FGF14: variants seen among roughly 807,000 people sequenced by gnomAD.
FGF14 encodes fibroblast growth factor 14, also known as fibroblast growth factor homologous factor 4.
Under a neutral mutation model 25.5 loss-of-function variants are expected in FGF14, and 5 were observed. The observed-to-expected ratio is 0.20, with a 90% CI of 0.10 to 0.41. The LOEUF is 0.41. Among genes scored for constraint, FGF14 ranks in the 10% least tolerant of loss-of-function variants. The pLI, the probability that FGF14 is intolerant of heterozygous loss-of-function variation, is 1.00. For synonymous variants in FGF14, 138 were observed against 118.3 expected (o/e 1.17, Z -1.08); for missense variants, 222 against 320.1 (o/e 0.69, Z 2.34).
intron 1 of FGF14, among the ~76,000 whole-genome samples, chr13:102,302,439 C>T (rs1459898771): frequency 6.6e-6 from 1 of 152,072 alleles, no homozygotes; most frequent in East Asian, 1.9e-4. Context: ...CAGCTCCAAA[C>T]CAGGCCTTGT....
intron 3 of FGF14, among the ~76,000 whole-genome samples, chr13:101,850,514 AGAAT>A (rs377745463): frequency 0.015 from 34 of 2,292 alleles, 9 homozygotes; most frequent in African/African-American, 0.029. Flanking sequence ...ATATATATAT[AGAAT>A]TATATATTCT....
intron 3 of FGF14, among the ~76,000 whole-genome samples, chr13:101,809,380 G>A (rs186593405): frequency 1.1e-3 from 170 of 152,224 alleles, no homozygotes; most frequent in Non-Finnish European, 1.8e-3. Flanking sequence ...ATCTGTAGAT[G>A]CTATCACACT....
intron 4 of FGF14, 65 bp downstream of exon 4, chr13:101,726,547 C>T (rs1460476171): frequency 2.1e-6 from 3 of 1,456,944 alleles, no homozygotes; most frequent in Non-Finnish European, 2.9e-6. Flanking sequence ...CATGGTAGAC[C>T]TATCAATTTG....
chr13:101,952,533 T>G (rs2036237080), intron 1 of FGF14, among the ~76,000 whole-genome samples: 1 of 152,106 alleles, frequency 6.6e-6, no homozygotes, highest in African/African-American at 2.4e-5. Flanking sequence ...AACGACACAA[T>G]TGGCAAAAAT....
chr13:101,725,415 G>T (rs2035349635), intron 4 of FGF14, among the ~76,000 whole-genome samples: 1 of 151,936 alleles, frequency 6.6e-6, no homozygotes, highest in African/African-American at 2.4e-5. Flanking sequence ...GGCCCTGGTA[G>T]CTAACTGTTT....
chr13:101,773,584 G>A (rs1435498872), intron 3 of FGF14, among the ~76,000 whole-genome samples: 1 of 152,004 alleles, frequency 6.6e-6, no homozygotes, highest in Non-Finnish European at 1.5e-5. Flanking sequence ...ATAGAAATCA[G>A]TGTAGAGTTC....
chr13:102,273,642 A>G (rs2053361241), intron 1 of FGF14, among the ~76,000 whole-genome samples: 1 of 152,186 alleles, frequency 6.6e-6, no homozygotes, highest in South Asian at 2.1e-4. Flanking sequence ...GATTTTTATT[A>G]TTTTTTAACT....
intron 1 of FGF14, among the ~76,000 whole-genome samples, chr13:102,344,889 C>G (rs1291551705): frequency 5.3e-5 from 8 of 152,220 alleles, no homozygotes; most frequent in African/African-American, 1.9e-4. Context: ...CAGGGAACAA[C>G]TACTGGTAGC....
chr13:102,161,664 G>GTACCCC (rs761957246), intron 1 of FGF14, among the ~76,000 whole-genome samples: 1,108 of 32,470 alleles, frequency 0.034, 65 homozygotes, highest in East Asian at 0.12. Context: ...AGAAGAAGAA[G>GTACCCC]AAGAAGAAGA....
chr13:102,328,798 T>C (rs1253470225), intron 1 of FGF14, among the ~76,000 whole-genome samples: 1 of 152,208 alleles, frequency 6.6e-6, no homozygotes, highest in African/African-American at 2.4e-5. Context: ...ACTGCTCATA[T>C]TCCAGGAGTT....
intron 1 of FGF14, among the ~76,000 whole-genome samples, chr13:102,166,843 C>T (rs1181879494): frequency 6.6e-6 from 1 of 152,130 alleles, no homozygotes; most frequent in Non-Finnish European, 1.5e-5. Flanking sequence ...TCACAAGAAC[C>T]TAGCCGTGTA....
Position 101,748,447 on chromosome 13 carries a change from A to G in FGF14, c.409-21637T>C, listed in dbSNP as rs145235406. On this transcript the variant is annotated intron_variant, in intron 3 of 4. Transcript: ENST00000376143. ...AGTTAAATAATCTGTACACATGGACATACAGTATGGATTAATAGACACTGG... is the reference window on the plus strand; with the variant it reads ...AGTTAAATAATCTGTACACATGGACGTACAGTATGGATTAATAGACACTGG... Among the ~76,000 whole-genome samples the G allele has an allele frequency of 3.0e-3, 449 of 152,022 alleles. 2 individuals carry two copies. The highest frequency in any genetic ancestry group is 0.01 in the African/African-American group (433 of 41,510).
chr13:101,996,186 C>G (rs1011247377), intron 1 of FGF14, among the ~76,000 whole-genome samples: 4 of 151,942 alleles, frequency 2.6e-5, no homozygotes, highest in Non-Finnish European at 5.9e-5. Flanking sequence ...TATATTAAAA[C>G]AAGAAAGGGA....
chr13:101,778,592 C>A (rs1226800870), intron 3 of FGF14, among the ~76,000 whole-genome samples: 1 of 152,144 alleles, frequency 6.6e-6, no homozygotes. Flanking sequence ...ACATCCTTCT[C>A]CTGTCCTGCT....
rs201187186 is a variant in FGF14, at chr13:101,943,825, AAAT to A, written c.209-68532_209-68530del. Among the ~76,000 whole-genome samples, 259 of 132,962 alleles carry A rather than the reference AAAT, an allele frequency of 1.9e-3. 1 individual carries two copies. Among genetic ancestry groups the A allele is most frequent in the East Asian group, 8.1e-3 (36 of 4,470 alleles). 87.2% of individuals were successfully genotyped at this position (132,962 alleles called of 152,430 possible). A position where few individuals can be genotyped will look rare whatever the true frequency, so the allele number is the denominator to read the frequency against. ...CCTGTCTCTACTTAAAAAAAAAAAAAAATATATATATATATATATTCACAAAAT... is the reference window on the plus strand; with the variant it reads ...CCTGTCTCTACTTAAAAAAAAAAAAAATATATATATATATATTCACAAAAT... On this transcript the variant is annotated intron_variant, in intron 1 of 4. Coordinates refer to the FGF14 transcript ENST00000376131.
intron 3 of FGF14, among the ~76,000 whole-genome samples, chr13:101,803,709 C>T (rs1028900785): frequency 2.0e-5 from 3 of 152,028 alleles, no homozygotes; most frequent in African/African-American, 7.2e-5. Flanking sequence ...GTAGATGTGT[C>T]CTGGATGGCA....
intron 3 of FGF14, among the ~76,000 whole-genome samples, chr13:101,853,126 A>T (rs1323186): frequency 0.26 from 39,908 of 151,976 alleles, 6,619 homozygotes; most frequent in South Asian, 0.38. Context: ...ATCACCTGAG[A>T]GTGTGTAGAA....
At position 101,872,487 on chromosome 13, in the gene FGF14, G is replaced by T. The variant is rs535412816; in HGVS notation, c.304+2699C>A. On this transcript the variant is annotated intron_variant, in intron 2 of 4. Transcript: ENST00000376143. ...TCTAAAGCACATTCCTATTTTTAAA[G>T]AATTTTTCAGTGCTTACATTTTTCA... Among the ~76,000 whole-genome samples, 13 of 151,766 alleles carry T rather than the reference G, an allele frequency of 8.6e-5. No homozygotes were observed. The South Asian group carries it at 1.0e-3, about 12-fold the overall frequency.
intron 3 of FGF14, among the ~76,000 whole-genome samples, chr13:101,751,615 A>G (rs2037280307): frequency 6.6e-6 from 1 of 152,168 alleles, no homozygotes; most frequent in Non-Finnish European, 1.5e-5. Context: ...TGAGAAAACA[A>G]CAAGCCCTTA....
Sources: allele counts gnomAD v4.1 joint callset (sites outside exome capture counted in the v4.1 genomes callset), GRCh38; gene constraint gnomAD v4.1.1; transcripts MANE v1.5; gene names NCBI Gene and HGNC (gene_info 2026-07-23, HGNC 2026-07-21).